Variants in GLRA3 observed in about 807,000 individuals in gnomAD.
GLRA3 encodes the protein glycine receptor subunit alpha-3.
In GLRA3, 44 loss-of-function variants were observed where a neutral mutation model predicts 60.4. That is an observed-to-expected ratio of 0.73 (90% CI 0.57 to 0.94). GLRA3 has a LOEUF of 0.94. Ranked by LOEUF, GLRA3 falls within the 40% of genes least tolerant of loss-of-function variation. The pLI is 0.00. For synonymous variants in GLRA3, 223 were observed against 192.9 expected (o/e 1.16, Z -1.29); for missense variants, 508 against 564.6 (o/e 0.90, Z 1.02).
At chr4:174,700,299 G>A (rs1442838538) in intron 5 of GLRA3, among the ~76,000 whole-genome samples, 1 of 152,132 alleles carries the variant, frequency 6.6e-6, no homozygotes, top group Non-Finnish European at 1.5e-5. Context: ...TATTAAGCAA[G>A]TCTATCAGCT....
intron 3 of GLRA3, among the ~76,000 whole-genome samples, chr4:174,750,794 G>T (rs1363587048): frequency 1.3e-5 from 2 of 152,034 alleles, no homozygotes; most frequent in African/African-American, 4.8e-5. Context: ...TAATAGACTT[G>T]AAATAAATGG....
chr4:174,700,007 T>C (rs1010777235), intron 5 of GLRA3, among the ~76,000 whole-genome samples: 16 of 152,124 alleles, frequency 1.1e-4, no homozygotes, highest in Non-Finnish European at 2.2e-4. Flanking sequence ...GTTAAGTATA[T>C]GCTGATTTCT....
chr4:174,675,549 G>A (rs1734085454), intron 7 of GLRA3, among the ~76,000 whole-genome samples: 2 of 152,092 alleles, frequency 1.3e-5, no homozygotes, highest in African/African-American at 4.8e-5. Context: ...ATGAAGATCA[G>A]TGAGTAAACT....
At chr4:174,678,210 T>C (rs1230319196) in intron 6 of GLRA3, among the ~76,000 whole-genome samples, 2 of 152,178 alleles carry the variant, frequency 1.3e-5, no homozygotes, top group Admixed American at 6.6e-5. Flanking sequence ...TTTACCTCTA[T>C]TTTGGTAAGC....
intron 5 of GLRA3, among the ~76,000 whole-genome samples, chr4:174,709,266 T>G (rs916177128): frequency 4.6e-5 from 7 of 152,008 alleles, no homozygotes; most frequent in Non-Finnish European, 1.0e-4. Flanking sequence ...TCAGTTTCAT[T>G]TATTACAATC....
Position 174,708,266 on chromosome 4 carries a change from A to G in GLRA3, c.574+7222T>C, listed in dbSNP as rs75595646. Among the ~76,000 whole-genome samples, 425 of 152,278 alleles carry G rather than the reference A, an allele frequency of 2.8e-3. 5 individuals carry two copies. Among genetic ancestry groups the G allele is most frequent in the East Asian group, 0.022 (115 of 5,188 alleles). On this transcript the variant is annotated intron_variant, in intron 5 of 9. Transcript: ENST00000274093. Reference sequence around the variant, plus strand: ...TCTTTTGCCTTAGCTAATTTAGCATAAATTCCAGAGTAAGCGGTCTGAGTA... The same window carrying G: ...TCTTTTGCCTTAGCTAATTTAGCATGAATTCCAGAGTAAGCGGTCTGAGTA...
At chr4:174,692,104 C>A (rs936223610) in intron 5 of GLRA3, among the ~76,000 whole-genome samples, 2 of 150,402 alleles carry the variant, frequency 1.3e-5, no homozygotes, top group Non-Finnish European at 1.5e-5. Context: ...AGTGAGGAGA[C>A]CCTCCGCCTG....
chr4:174,673,628 T>C (rs1397675945), intron 7 of GLRA3, among the ~76,000 whole-genome samples: 2 of 152,090 alleles, frequency 1.3e-5, no homozygotes, highest in South Asian at 2.1e-4. Context: ...AGCACAAATA[T>C]ATCTTCTTTC....
Position 174,715,546 on chromosome 4 carries a change from T to C in GLRA3, c.516A>G (p.Pro172=), listed in dbSNP as rs1049181124. The C allele has an allele frequency of 1.3e-6, 2 of 1,537,780 alleles. No homozygotes were observed. Among genetic ancestry groups the C allele is most frequent in the African/African-American group, 2.7e-5 (2 of 73,376 alleles). The change falls in exon 5 of 10, where the codon CCA becomes CCG. Residue 172 remains proline, a synonymous_variant. Transcript: ENST00000274093. Reference sequence around the variant, plus strand: ...CCATGGGAAAATTCTTGAGATCCATTGGACAGGAAAGTGTTAATGTTAATC... The same window carrying C: ...CCATGGGAAAATTCTTGAGATCCATCGGACAGGAAAGTGTTAATGTTAATC... ...SIRLTLTLSC[P]MDLKNFPMDV...
At chr4:174,811,185 G>GTTTT (rs76452779) in intron 1 of GLRA3, among the ~76,000 whole-genome samples, 1 of 113,950 alleles carries the variant, frequency 8.8e-6, no homozygotes, top group Admixed American at 9.3e-5. Flanking sequence ...TTCCCCGCCT[G>GTTTT]TTTTTTTTTT....
At chr4:174,806,737 T>C (rs1740067224) in intron 1 of GLRA3, among the ~76,000 whole-genome samples, 1 of 152,042 alleles carries the variant, frequency 6.6e-6, no homozygotes, top group Non-Finnish European at 1.5e-5. Context: ...ATCAGTGAAT[T>C]TTGGTATCCT....
intron 5 of GLRA3, among the ~76,000 whole-genome samples, chr4:174,711,429 T>TTATATA (rs199542230): frequency 7.0e-6 from 1 of 143,512 alleles, no homozygotes; most frequent in African/African-American, 2.5e-5. Context: ...ATTTTCCTAA[T>TTATATA]TATATATATA....
At chr4:174,683,583 T>G (rs2110978617) in intron 5 of GLRA3, among the ~76,000 whole-genome samples, 1 of 152,296 alleles carries the variant, frequency 6.6e-6, no homozygotes, top group Non-Finnish European at 1.5e-5. Context: ...ACTCCTGACC[T>G]CATGATCTGC....
Position 174,638,258 on chromosome 4 carries a change from A to G in GLRA3, c.*5528T>C, listed in dbSNP as rs1453811394. On this transcript the variant is annotated 3_prime_UTR_variant, in exon 10 of 10. Coordinates refer to ENST00000274093, the MANE Select transcript of GLRA3 (RefSeq NM_006529.4). ...TGACATTGGGAGGAAAGCTGAATTG[A>G]AACGCATCAAAGATTTATTTTAAAT... 3 of 152,142 alleles carry G rather than the reference A, an allele frequency of 2.0e-5. No homozygotes were observed. The highest frequency in any genetic ancestry group is 2.9e-5 in the Non-Finnish European group (2 of 68,024). 9.4% of individuals were successfully genotyped at this position (152,142 alleles called of 1,614,324 possible).
intron 7 of GLRA3, among the ~76,000 whole-genome samples, chr4:174,669,454 A>C (rs1159578029): frequency 6.6e-6 from 1 of 152,176 alleles, no homozygotes; most frequent in Non-Finnish European, 1.5e-5. Flanking sequence ...GACATTTATT[A>C]TCCTGGAGGG....
chr4:174,801,055 C>T (rs1286697617), intron 1 of GLRA3, among the ~76,000 whole-genome samples: 6 of 152,026 alleles, frequency 3.9e-5, no homozygotes, highest in Non-Finnish European at 7.4e-5. Flanking sequence ...GTAGAGTCGG[C>T]TAAACTATGA....
At chr4:174,782,924 C>T (rs996253153) in intron 2 of GLRA3, among the ~76,000 whole-genome samples, 239 of 152,216 alleles carry the variant, frequency 1.6e-3, no homozygotes, top group Non-Finnish European at 2.4e-3. Flanking sequence ...ATGCCATCCC[C>T]ATCAAGCTAC....
chr4:174,828,847 T>G lies in GLRA3; in HGVS notation c.-36A>C. The stretch of plus-strand genomic sequence containing the variant: ...GATATTCACGATCCTGAAAATAGTC[T>G]TATCCAAGGCATGGGGAACCAGAAA... On this transcript the variant is annotated 5_prime_UTR_variant, in exon 1 of 10. Coordinates refer to ENST00000274093, the MANE Select transcript of GLRA3 (RefSeq NM_006529.4). 1 of 1,368,808 alleles carries G rather than the reference T, an allele frequency of 7.3e-7. No homozygotes were observed. Among genetic ancestry groups the G allele is most frequent in the East Asian group, 2.3e-5 (1 of 43,700 alleles). The allele number at this position is 1,368,808 out of a possible 1,614,324, so 84.8% of individuals were successfully genotyped here. A position where few individuals can be genotyped will look rare whatever the true frequency, so the allele number is the denominator to read the frequency against.
chr4:174,689,919 G>C (rs2111004122), intron 5 of GLRA3, among the ~76,000 whole-genome samples: 1 of 152,108 alleles, frequency 6.6e-6, no homozygotes, highest in South Asian at 2.1e-4. Flanking sequence ...TGCAATCCTA[G>C]TTTCAGACAA....
Sources: allele counts gnomAD v4.1 joint callset (sites outside exome capture counted in the v4.1 genomes callset), GRCh38; gene constraint gnomAD v4.1.1; transcripts MANE v1.5; gene names NCBI Gene and HGNC (gene_info 2026-07-23, HGNC 2026-07-21).